CCDC7: variants seen among roughly 807,000 people sequenced by gnomAD.
CCDC7 encodes the protein coiled-coil domain containing 7.
In CCDC7, 183 loss-of-function variants were observed where a neutral mutation model predicts 196.9. The ratio of observed to expected loss-of-function variants is 0.93; its 90% CI spans 0.82 to 1.05. The LOEUF is 1.05. Ranked by LOEUF, CCDC7 falls within the 50% of genes least tolerant of loss-of-function variation. The pLI is 0.00. For missense variants in CCDC7, 1,540 were observed against 1,482.2 expected, an observed-to-expected ratio of 1.04 and a Z score of -0.64; for synonymous variants, 525 against 484.6, an observed-to-expected ratio of 1.08 and a Z score of -1.10.
At position 32,848,644 on chromosome 10, in the gene CCDC7, G is replaced by A. The variant is rs2093411786; in HGVS notation, c.3821G>A (p.Gly1274Asp). 3 of 1,526,866 alleles carry A rather than the reference G, an allele frequency of 2.0e-6. No individual in the cohort carries two copies. The South Asian group carries it at 3.4e-5, about 17-fold the overall frequency. The allele number at this position is 1,526,866 out of a possible 1,614,324, so 94.6% of individuals were successfully genotyped here. A position where few individuals can be genotyped will look rare whatever the true frequency, so the allele number is the denominator to read the frequency against. ...GATATGTCCGTACAACGTCAAGAAG[G>A]TATCTTTACTAGGAGCATTACACCA... The change falls in exon 39 of 42, where the codon GGT becomes GAT. Residue 1274 changes from glycine (G) to aspartate (D), a missense_variant. Coordinates refer to ENST00000639629, the Ensembl canonical transcript of CCDC7.
At chr10:32,517,875 ATG>A in intron 9 of CCDC7, 68 bp from the exon 11 acceptor site, 3 of 1,531,988 alleles carry the variant, frequency 2.0e-6, no homozygotes, top group Non-Finnish European at 2.6e-6. Context: ...AAAAAAGAAA[ATG>A]TGTGTGTTTC....
At chr10:32,704,108 C>T (rs1480882408) in intron 24 of CCDC7, among the ~76,000 whole-genome samples, 1 of 152,084 alleles carries the variant, frequency 6.6e-6, no homozygotes, top group Non-Finnish European at 1.5e-5. Flanking sequence ...TTAGAATTTT[C>T]CATTTTTCTG....
intron 18 of CCDC7, among the ~76,000 whole-genome samples, chr10:32,622,544 T>C (rs945599964): frequency 2.0e-5 from 3 of 152,130 alleles, no homozygotes; most frequent in Admixed American, 6.6e-5. Context: ...GGATATAGAA[T>C]TGACAAGTCT....
chr10:32,828,481 AAGAG>A (rs1593208352), intron 32 of CCDC7, among the ~76,000 whole-genome samples: 1 of 83,058 alleles, frequency 1.2e-5, no homozygotes, highest in South Asian at 3.7e-4. Context: ...GAGGAAGAGG[AAGAG>A]GAAGAAGAAG....
intron 40 of CCDC7, 55 bp from the exon 42 acceptor site, chr10:32,854,345 G>C (rs969198436): frequency 9.7e-7 from 1 of 1,029,040 alleles, no homozygotes; most frequent in African/African-American, 1.6e-5. Context: ...CATTTTAAAA[G>C]TTGAAATTAC....
intron 18 of CCDC7, among the ~76,000 whole-genome samples, chr10:32,622,390 A>G (rs1425802157): frequency 2.0e-5 from 3 of 151,702 alleles, no homozygotes; most frequent in Non-Finnish European, 2.9e-5. Context: ...ACCCCATCCC[A>G]CCTAACTCCA....
intron 32 of CCDC7, among the ~76,000 whole-genome samples, chr10:32,828,692 T>G (rs1232587316): frequency 6.6e-6 from 1 of 152,080 alleles, no homozygotes; most frequent in Non-Finnish European, 1.5e-5. Context: ...GTGACAATAC[T>G]TTGCAGGGCT....
At chr10:32,716,072 G>C (rs907379432) in intron 25 of CCDC7, among the ~76,000 whole-genome samples, 5 of 152,050 alleles carry the variant, frequency 3.3e-5, no homozygotes, top group Non-Finnish European at 2.9e-5. Context: ...GATACTCCCC[G>C]AGTAGAGCAA....
chr10:32,638,044 T>C lies in CCDC7; in HGVS notation c.2014+2886T>C, dbSNP rs531390961. ...TGGCTCTCTGTTTGTCTGTTATTGGTGTATGAGAATGCTTGTGATTTTTGC... is the reference window on the plus strand; with the variant it reads ...TGGCTCTCTGTTTGTCTGTTATTGGCGTATGAGAATGCTTGTGATTTTTGC... On this transcript the variant is annotated intron_variant, in intron 20 of 41. Coordinates refer to ENST00000639629, the Ensembl canonical transcript of CCDC7. 4.9e-4 allele frequency among the ~76,000 whole-genome samples: 74 copies of C among 152,248 alleles called. 1 individual carries two copies. The highest frequency in any genetic ancestry group is 1.7e-3 in the African/African-American group (71 of 41,552).
chr10:32,482,837 T>C (rs964995104), intron 8 of CCDC7, among the ~76,000 whole-genome samples: 1 of 152,216 alleles, frequency 6.6e-6, no homozygotes, highest in African/African-American at 2.4e-5. Flanking sequence ...CTCATCCTTT[T>C]TTATGGCTGC....
chr10:32,635,841 C>G (rs2065542387), intron 20 of CCDC7, among the ~76,000 whole-genome samples: 2 of 151,530 alleles, frequency 1.3e-5, no homozygotes, highest in South Asian at 2.1e-4. Context: ...ATATTTTTGT[C>G]TTTTAATTAG....
intron 28 of CCDC7, among the ~76,000 whole-genome samples, chr10:32,760,416 TA>T (rs1358389259): frequency 6.6e-6 from 1 of 151,658 alleles, no homozygotes; most frequent in African/African-American, 2.4e-5. Context: ...TATGCAGCCA[TA>T]AAAAATGATG....
chr10:32,845,833 G>A lies in CCDC7; in HGVS notation c.3521-43G>A, dbSNP rs774367087. ...CAGATACACACAGAGGTATGGTAAT[G>A]TTTACCTTATAAAATATATTGAAAT... On this transcript the variant is annotated intron_variant, in intron 35 of 41. Coordinates refer to ENST00000639629, the Ensembl canonical transcript of CCDC7. The A allele has an allele frequency of 1.1e-5, 16 of 1,448,172 alleles. No individual in the cohort carries two copies. In the South Asian group the frequency reaches 1.7e-4, roughly 16 times the overall value. The allele number at this position is 1,448,172 out of a possible 1,614,324, so 89.7% of individuals were successfully genotyped here. A position where few individuals can be genotyped will look rare whatever the true frequency, so the allele number is the denominator to read the frequency against.
intron 20 of CCDC7, among the ~76,000 whole-genome samples, 170 bp from the exon 22 acceptor site, chr10:32,663,884 T>C (rs1055741296): frequency 6.6e-6 from 1 of 151,942 alleles, no homozygotes; most frequent in African/African-American, 2.4e-5. Context: ...CTCAGATCCT[T>C]TAAAGTTCTT....
rs1466418846 is a variant in CCDC7, at chr10:32,762,745, A to C, written c.2906-16232A>C. On this transcript the variant is annotated intron_variant, in intron 28 of 41. Transcript: ENST00000639629. The stretch of plus-strand genomic sequence containing the variant: ...TCAATTAATTTTTCACAAGAGCATC[A>C]AGAAGACACAATGGGAGAATGACCA... Among the ~76,000 whole-genome samples, 3 of 152,022 alleles carry C rather than the reference A, an allele frequency of 2.0e-5. No individual in the cohort carries two copies. The East Asian group carries it at 5.8e-4, about 29-fold the overall frequency.
At chr10:32,693,938 G>A (rs2077381819) in intron 23 of CCDC7, among the ~76,000 whole-genome samples, 2 of 152,138 alleles carry the variant, frequency 1.3e-5, no homozygotes, top group Non-Finnish European at 2.9e-5. Context: ...ACTGGGATAA[G>A]TAGGCTGCAA....
intron 32 of CCDC7, among the ~76,000 whole-genome samples, chr10:32,828,546 GA>G (rs1321474684): frequency 1.4e-5 from 2 of 147,392 alleles, no homozygotes; most frequent in African/African-American, 5.0e-5. Flanking sequence ...AGAAGAAGAA[GA>G]AGAAGAAGAA....
At chr10:32,497,906 G>A (rs2043170022) in intron 9 of CCDC7, among the ~76,000 whole-genome samples, 1 of 152,154 alleles carries the variant, frequency 6.6e-6, no homozygotes. Context: ...ATGTCTATTA[G>A]TTCTGCTTGG....
intron 28 of CCDC7, among the ~76,000 whole-genome samples, chr10:32,765,560 C>G (rs2078150968): frequency 1.3e-5 from 2 of 151,994 alleles, no homozygotes; most frequent in Non-Finnish European, 2.9e-5. Context: ...CAATTAGAAG[C>G]TACTAGAACT....
Sources: gnomAD v4.1 joint callset for allele counts (sites outside exome capture counted in the v4.1 genomes callset) on GRCh38, gnomAD v4.1.1 for gene constraint, MANE v1.5 for transcripts, NCBI Gene and HGNC (gene_info 2026-07-23, HGNC 2026-07-21) for gene names.